MACROD2: variants seen among roughly 807,000 people sequenced by gnomAD.
MACROD2 encodes ADP-ribose glycohydrolase MACROD2.
A neutral mutation model predicts 70.4 loss-of-function variants in MACROD2; 36 were observed. The ratio of observed to expected loss-of-function variants is 0.51; its 90% CI spans 0.39 to 0.68. The LOEUF is 0.68. Among genes scored for constraint, MACROD2 ranks in the 30% least tolerant of loss-of-function variants. MACROD2 has a pLI of 0.00. For missense variants in MACROD2, 496 were observed against 538.4 expected (o/e 0.92, Z 0.78); for synonymous variants, 172 against 178.8 (o/e 0.96, Z 0.30).
intron 3 of MACROD2, among the ~76,000 whole-genome samples, chr20:14,277,577 A>G (rs1202086854): frequency 6.6e-6 from 1 of 152,254 alleles, no homozygotes; most frequent in Non-Finnish European, 1.5e-5. Context: ...TTAACTAATG[A>G]AACATGGTGG....
chr20:15,749,778 G>A, intron 8 of MACROD2, among the ~76,000 whole-genome samples: 1 of 151,980 alleles, frequency 6.6e-6, no homozygotes, highest in Non-Finnish European at 1.5e-5. Context: ...AACAATAACA[G>A]TCCTGGGAAT....
chr20:15,097,947 G>A (rs78972926), intron 5 of MACROD2, among the ~76,000 whole-genome samples: 1 of 152,040 alleles, frequency 6.6e-6, no homozygotes, highest in African/African-American at 2.4e-5. Context: ...CTGGTGTTTG[G>A]CAAGTTCATA....
intron 5 of MACROD2, among the ~76,000 whole-genome samples, chr20:14,982,504 C>T (rs1190280394): frequency 6.6e-6 from 1 of 152,106 alleles, no homozygotes; most frequent in Non-Finnish European, 1.5e-5. Flanking sequence ...TTTAATGGGC[C>T]ACACCAAGGG....
At chr20:15,215,252 T>TTTTG (rs1555793400) in intron 5 of MACROD2, among the ~76,000 whole-genome samples, 1 of 135,474 alleles carries the variant, frequency 7.4e-6, no homozygotes, top group Non-Finnish European at 1.6e-5. Context: ...CTCCTGTATT[T>TTTTG]TGTGTGTGTG....
rs573918970 is a variant in MACROD2 at position 14,807,290 on chromosome 20, C to T, written c.418+122331C>T. On this transcript the variant is annotated intron_variant, in intron 5 of 17. Transcript: ENST00000684519. ...GTTCTGCAGCCTCTGCTGGTAATAT[C>T]CAGGCAAAGAAGGCCTGGAGTCTAA... Among the ~76,000 whole-genome samples, 235 of 152,202 alleles carry T rather than the reference C, an allele frequency of 1.5e-3. 3 individuals are homozygous for T. Among genetic ancestry groups the T allele is most frequent in the African/African-American group, 5.5e-3 (230 of 41,560 alleles).
chr20:15,651,013 G>A (rs1029536421), intron 8 of MACROD2, among the ~76,000 whole-genome samples: 3 of 152,182 alleles, frequency 2.0e-5, no homozygotes, highest in African/African-American at 7.2e-5. Context: ...TGAAATTGAA[G>A]TGAATACAAA....
In MACROD2 at chr20:15,153,388, G is replaced by C. The variant is rs549838589; in HGVS notation, c.419-76552G>C. On this transcript the variant is annotated intron_variant, in intron 5 of 17. Coordinates refer to ENST00000684519, the MANE Select transcript of MACROD2 (RefSeq NM_001351661.2). ...GGAGCTTTTGAGCCAGGATGAGCCA[G>C]GATAAGGAATTTCACAAGATAATGT... 2.0e-5 allele frequency among the ~76,000 whole-genome samples: 3 copies of C among 152,188 alleles called. No homozygotes were observed. The South Asian group carries it at 6.2e-4, about 32-fold the overall frequency.
At chr20:15,654,588 C>T (rs1277357470) in intron 8 of MACROD2, among the ~76,000 whole-genome samples, 2 of 152,198 alleles carry the variant, frequency 1.3e-5, no homozygotes, top group Middle Eastern at 3.2e-3. Context: ...CAAACTCAAA[C>T]TGCCCCCTTC....
intron 8 of MACROD2, among the ~76,000 whole-genome samples, chr20:15,610,218 C>G (rs144744579): frequency 7.5e-4 from 115 of 152,352 alleles, no homozygotes; most frequent in African/African-American, 2.5e-3. Context: ...ACCGTTGCCA[C>G]TTTATCTCTT....
At chr20:14,178,035 A>C (rs1032544766) in intron 3 of MACROD2, among the ~76,000 whole-genome samples, 3 of 152,180 alleles carry the variant, frequency 2.0e-5, no homozygotes, top group Non-Finnish European at 4.4e-5. Context: ...TTTTATGCTC[A>C]AACTACTATA....
intron 6 of MACROD2, among the ~76,000 whole-genome samples, chr20:15,286,602 A>G (rs888204568): frequency 6.6e-6 from 1 of 151,152 alleles, no homozygotes; most frequent in Non-Finnish European, 1.5e-5. Context: ...CTACAAAGAT[A>G]TAACACAGGG....
At chr20:15,741,755 T>A (rs2051109768) in intron 8 of MACROD2, among the ~76,000 whole-genome samples, 2 of 152,258 alleles carry the variant, frequency 1.3e-5, no homozygotes, top group South Asian at 4.2e-4. Context: ...TTCCTAATTA[T>A]TATGTCTAAT....
At chr20:14,034,660 T>A (rs559607081) in intron 2 of MACROD2, among the ~76,000 whole-genome samples, 3 of 152,218 alleles carry the variant, frequency 2.0e-5, no homozygotes, top group Non-Finnish European at 4.4e-5. Context: ...ATGAGTGAGA[T>A]TAAACCTGTT....
chr20:15,133,414 A>G (rs1465622942), intron 5 of MACROD2, among the ~76,000 whole-genome samples: 2 of 152,184 alleles, frequency 1.3e-5, no homozygotes, highest in Non-Finnish European at 2.9e-5. Context: ...TTAAACATAA[A>G]TTGTTGGTAA....
chr20:15,821,802 T>A (rs1217357860), intron 8 of MACROD2, among the ~76,000 whole-genome samples: 1 of 152,190 alleles, frequency 6.6e-6, no homozygotes, highest in African/African-American at 2.4e-5. Context: ...ATGCCATTTT[T>A]AATAAGAGGA....
chr20:15,639,141 G>A (rs937045436), intron 8 of MACROD2, among the ~76,000 whole-genome samples: 1 of 152,168 alleles, frequency 6.6e-6, no homozygotes, highest in Non-Finnish European at 1.5e-5. Context: ...TTCTAAGAAG[G>A]CTTCACTTCA....
At chr20:15,396,885 C>T (rs914916744) in intron 6 of MACROD2, among the ~76,000 whole-genome samples, 13 of 152,142 alleles carry the variant, frequency 8.5e-5, no homozygotes, top group East Asian at 1.9e-4. Context: ...GTTGAGTCTT[C>T]GTGAAGCAAA....
At chr20:15,317,515 A>ATCTG (rs1568717470) in intron 6 of MACROD2, among the ~76,000 whole-genome samples, 7 of 148,986 alleles carry the variant, frequency 4.7e-5, no homozygotes, top group African/African-American at 1.7e-4. Context: ...CTATCTATCT[A>ATCTG]TCTATCTATC....
chr20:15,692,109 C>T (rs529439117), intron 8 of MACROD2, among the ~76,000 whole-genome samples: 55 of 152,090 alleles, frequency 3.6e-4, no homozygotes, highest in Non-Finnish European at 7.5e-4. Context: ...ACAGCTTTTG[C>T]TCATTGTACG....
Sources: allele counts gnomAD v4.1 joint callset (sites outside exome capture counted in the v4.1 genomes callset), GRCh38; gene constraint gnomAD v4.1.1; transcripts MANE v1.5; gene names NCBI Gene and HGNC (gene_info 2026-07-23, HGNC 2026-07-21).